PRKAR1A: variants seen among roughly 807,000 people sequenced by gnomAD.
The protein encoded by PRKAR1A is cAMP-dependent protein kinase type I-alpha regulatory subunit.
In PRKAR1A, 3 loss-of-function variants were observed where a neutral mutation model predicts 52.0. The observed-to-expected ratio is 0.06, with a 90% CI of 0.03 to 0.15. The LOEUF is 0.15. Ranked by LOEUF, PRKAR1A falls within the 10% of genes least tolerant of loss-of-function variation. PRKAR1A has a pLI of 1.00. For synonymous variants in PRKAR1A, 188 were observed against 168.4 expected, an observed-to-expected ratio of 1.12 and a Z score of -0.90; for missense variants, 240 against 477.4, an observed-to-expected ratio of 0.50 and a Z score of 4.63.
chr17:68,425,912 C>A, the PRKAR1A span: 5 of 618,240 alleles, frequency 8.1e-6, no homozygotes, highest in Non-Finnish European at 1.4e-5. Context: ...GGATTCGAAG[C>A]ACACAGTACA....
chr17:68,474,835 C>T, the PRKAR1A span, among the ~76,000 whole-genome samples: 6 of 152,006 alleles, frequency 3.9e-5, no homozygotes, highest in East Asian at 3.9e-4. Context: ...GAGCCGAGAT[C>T]GCGCCACTGC....
At chr17:68,431,742 C>T in the PRKAR1A span, among the ~76,000 whole-genome samples, 5 of 152,266 alleles carry the variant, frequency 3.3e-5, no homozygotes, top group Non-Finnish European at 7.3e-5. Context: ...GAGCCGTAAC[C>T]GCCGGGGACA....
At chr17:68,473,757 G>A in the PRKAR1A span, among the ~76,000 whole-genome samples, 4 of 152,130 alleles carry the variant, frequency 2.6e-5, no homozygotes, top group Non-Finnish European at 5.9e-5. Flanking sequence ...TCCTGACTTT[G>A]TGATCCGCCC....
At chr17:68,417,967 T>G in the PRKAR1A span, among the ~76,000 whole-genome samples, 1 of 151,940 alleles carries the variant, frequency 6.6e-6, no homozygotes, top group African/African-American at 2.4e-5. Flanking sequence ...CCTGACCTCA[T>G]GATCCGCCTG....
the PRKAR1A span, among the ~76,000 whole-genome samples, chr17:68,425,206 C>G: frequency 1.2e-4 from 19 of 152,206 alleles, no homozygotes; most frequent in Admixed American, 7.8e-4. Flanking sequence ...CACACAATTG[C>G]TTTTCTTTTC....
chr17:68,454,348 A>C, the PRKAR1A span, among the ~76,000 whole-genome samples: 1 of 152,230 alleles, frequency 6.6e-6, no homozygotes, highest in Non-Finnish European at 1.5e-5. Context: ...TACTATTACA[A>C]GCCTGGATGG....
At chr17:68,520,313 G>A (rs536423675) in intron 2 of PRKAR1A, among the ~76,000 whole-genome samples, 7 of 152,258 alleles carry the variant, frequency 4.6e-5, no homozygotes, top group African/African-American at 1.7e-4. Flanking sequence ...ACAAATAATC[G>A]GGAAAACATA....
intron 11 of PRKAR1A, among the ~76,000 whole-genome samples, chr17:68,544,314 T>C (rs894936292): frequency 1.3e-5 from 2 of 152,166 alleles, no homozygotes; most frequent in African/African-American, 4.8e-5. Flanking sequence ...TATTGATTTA[T>C]ATACATTAAA....
the PRKAR1A span, chr17:68,428,526 C>G: frequency 6.4e-5 from 16 of 249,844 alleles, no homozygotes; most frequent in Admixed American, 8.1e-4. Flanking sequence ...AGCCGCCACA[C>G]CTGGTGGCAG....
intron 11 of PRKAR1A, chr17:68,543,607 TCTCC>T: frequency 6.2e-7 from 1 of 1,611,096 alleles, no homozygotes. Context: ...GGCAATGCCA[TCTCC>T]ATGGGGCCAG....
At chr17:68,535,956 C>T (rs2086086047), downstream of PRKAR1A, 1 of 454,048 alleles carries the variant, frequency 2.2e-6, no homozygotes, top group Non-Finnish European at 4.4e-6. Flanking sequence ...AAAGTTCTTC[C>T]ATGCACATTG....
At chr17:68,416,831 T>C in the PRKAR1A span, among the ~76,000 whole-genome samples, 2 of 152,204 alleles carry the variant, frequency 1.3e-5, no homozygotes, top group African/African-American at 4.8e-5. Context: ...AACTGTTTTT[T>C]CTTTATTCTA....
At chr17:68,466,255 C>A in the PRKAR1A span, among the ~76,000 whole-genome samples, 2 of 152,114 alleles carry the variant, frequency 1.3e-5, no homozygotes, top group South Asian at 4.1e-4. Flanking sequence ...AGGCTTTGCC[C>A]ATAGGGATTT....
the PRKAR1A span, among the ~76,000 whole-genome samples, chr17:68,471,665 C>T: frequency 6.6e-6 from 1 of 152,170 alleles, no homozygotes; most frequent in East Asian, 1.9e-4. Flanking sequence ...CCAGGGATGT[C>T]CCTGTAGTAC....
At chr17:68,505,484 G>A in the PRKAR1A span, among the ~76,000 whole-genome samples, 1 of 152,134 alleles carries the variant, frequency 6.6e-6, no homozygotes, top group Non-Finnish European at 1.5e-5. Context: ...AACAGAAAGA[G>A]TGAACTCTAA....
chr17:68,532,702 T>C lies in PRKAR1A; in HGVS notation c.*2253T>C, dbSNP rs2086009851. 1.9e-6 allele frequency: 2 copies of C among 1,066,378 alleles called. No homozygotes were observed. The highest frequency in any genetic ancestry group is 9.1e-5 in the South Asian group (2 of 21,982). 66.1% of individuals were successfully genotyped at this position (1,066,378 alleles called of 1,614,324 possible). A position where few individuals can be genotyped will look rare whatever the true frequency, so the allele number is the denominator to read the frequency against. ...TTATACCATGTGTGCTAATATACTT[T>C]TTTTGTTATAGATTGTCTTAATGGT... On this transcript the variant is annotated 3_prime_UTR_variant, in exon 11 of 11. Transcript: ENST00000589228.
chr17:68,431,813 G>C, the PRKAR1A span, among the ~76,000 whole-genome samples: 2 of 11,410 alleles, frequency 1.8e-4, no homozygotes, highest in East Asian at 2.3e-3. Flanking sequence ...TTCTGCTCCT[G>C]GTCACCTGTG....
At chr17:68,469,344 T>A in the PRKAR1A span, among the ~76,000 whole-genome samples, 1 of 152,190 alleles carries the variant, frequency 6.6e-6, no homozygotes, top group Non-Finnish European at 1.5e-5. Context: ...GAGCTTTTTT[T>A]TCTTTTAATC....
chr17:68,466,827 G>A, the PRKAR1A span, among the ~76,000 whole-genome samples: 5 of 152,088 alleles, frequency 3.3e-5, no homozygotes, highest in Non-Finnish European at 5.9e-5. Context: ...CATCTAGTGC[G>A]TTCACAAGGT....
Sources: allele counts gnomAD v4.1 joint callset (sites outside exome capture counted in the v4.1 genomes callset), GRCh38; gene constraint gnomAD v4.1.1; transcripts MANE v1.5; gene names NCBI Gene and HGNC (gene_info 2026-07-23, HGNC 2026-07-21).